GPC5: variants seen among roughly 807,000 people sequenced by gnomAD.
The protein encoded by GPC5 is glypican-5.
In GPC5, 47 loss-of-function variants were observed where a neutral mutation model predicts 53.9. That is an observed-to-expected ratio of 0.87 (90% CI 0.69 to 1.11). GPC5 has a LOEUF of 1.11. GPC5 is among the 50% of genes most tolerant of loss of function. The pLI is 0.00. For missense variants in GPC5, 748 were observed against 713.1 expected, an observed-to-expected ratio of 1.05 and a Z score of -0.56; for synonymous variants, 286 against 263.3, an observed-to-expected ratio of 1.09 and a Z score of -0.84.
At chr13:91,947,181 A>C (rs78640307) in intron 6 of GPC5, among the ~76,000 whole-genome samples, 3,224 of 152,292 alleles carry the variant, frequency 0.021, 101 homozygotes, top group African/African-American at 0.073. Context: ...ATATTTTACT[A>C]TACAATGTTA....
At chr13:91,567,007 A>C (rs1455798816) in intron 2 of GPC5, among the ~76,000 whole-genome samples, 4 of 151,462 alleles carry the variant, frequency 2.6e-5, no homozygotes, top group African/African-American at 7.3e-5. Context: ...AGGCAAATGC[A>C]TTAGAGTACA....
chr13:92,521,717 G>T (rs1881056459), intron 7 of GPC5, among the ~76,000 whole-genome samples: 1 of 152,130 alleles, frequency 6.6e-6, no homozygotes, highest in African/African-American at 2.4e-5. Flanking sequence ...ATAGGCATGG[G>T]CAAGGACTTC....
intron 7 of GPC5, among the ~76,000 whole-genome samples, chr13:92,291,443 G>C (rs1002135253): frequency 1.3e-5 from 2 of 152,148 alleles, no homozygotes; most frequent in African/African-American, 4.8e-5. Context: ...GTTTGTGAAT[G>C]CACCAATCGA....
intron 2 of GPC5, among the ~76,000 whole-genome samples, chr13:91,459,900 A>G (rs1158191136): frequency 6.6e-6 from 1 of 152,190 alleles, no homozygotes; most frequent in South Asian, 2.1e-4. Context: ...AATATTTAGC[A>G]TAATTTAAGA....
chr13:92,174,415 T>A (rs956734613), intron 7 of GPC5, among the ~76,000 whole-genome samples: 2 of 151,090 alleles, frequency 1.3e-5, no homozygotes, highest in African/African-American at 4.9e-5. Flanking sequence ...GGCATCTGTA[T>A]TCCCAGCTAC....
chr13:92,404,348 A>G (rs1426571449), intron 7 of GPC5, among the ~76,000 whole-genome samples: 3 of 152,192 alleles, frequency 2.0e-5, no homozygotes, highest in Non-Finnish European at 4.4e-5. Flanking sequence ...AACTAGAAAC[A>G]GTGCCAAGCA....
intron 7 of GPC5, among the ~76,000 whole-genome samples, chr13:92,468,757 A>C (rs1878798822): frequency 6.6e-6 from 1 of 152,120 alleles, no homozygotes; most frequent in African/African-American, 2.4e-5. Context: ...GAGCACTTTC[A>C]CTTTTTTTGC....
intron 2 of GPC5, among the ~76,000 whole-genome samples, chr13:91,490,033 G>T (rs1883852237): frequency 6.6e-6 from 1 of 152,148 alleles, no homozygotes; most frequent in Admixed American, 6.6e-5. Context: ...CACTTGTTCT[G>T]TATATTTAGT....
chr13:92,535,675 A>G (rs1166944468), intron 7 of GPC5, among the ~76,000 whole-genome samples: 1 of 151,886 alleles, frequency 6.6e-6, no homozygotes, highest in East Asian at 1.9e-4. Flanking sequence ...TATTAAAAAA[A>G]AAAACAACCA....
chr13:92,641,488 A>G (rs940406078), intron 7 of GPC5, among the ~76,000 whole-genome samples: 4 of 152,234 alleles, frequency 2.6e-5, no homozygotes, highest in African/African-American at 7.2e-5. Flanking sequence ...GATTCTAGAC[A>G]TGGAATATGA....
chr13:92,839,336 CAGGTTTGTTACAT>C (rs1290697574), intron 7 of GPC5, among the ~76,000 whole-genome samples: 1 of 152,104 alleles, frequency 6.6e-6, no homozygotes, highest in Non-Finnish European at 1.5e-5. Context: ...AGCAAATGTA[CAGGTTTGTTACAT>C]AGGTAAACTT....
intron 7 of GPC5, among the ~76,000 whole-genome samples, chr13:92,441,550 C>A (rs1454102096): frequency 6.6e-6 from 1 of 152,098 alleles, no homozygotes; most frequent in East Asian, 1.9e-4. Context: ...AACATTGAAC[C>A]TGAGGGCCAA....
At chr13:91,829,252 C>G (rs1478092623) in intron 5 of GPC5, among the ~76,000 whole-genome samples, 2 of 151,884 alleles carry the variant, frequency 1.3e-5, no homozygotes, top group African/African-American at 4.8e-5. Flanking sequence ...AAAGAAATGG[C>G]CTTTCCTCTT....
intron 7 of GPC5, among the ~76,000 whole-genome samples, chr13:92,173,277 C>T (rs535286957): frequency 3.3e-5 from 5 of 152,142 alleles, no homozygotes; most frequent in East Asian, 1.9e-4. Context: ...TCCTGGCCAC[C>T]TTTCATTTAG....
At chr13:91,692,561 A>T (rs1182695356) in intron 2 of GPC5, among the ~76,000 whole-genome samples, 1 of 152,200 alleles carries the variant, frequency 6.6e-6, no homozygotes, top group South Asian at 2.1e-4. Flanking sequence ...TTTCTCAATG[A>T]CACTTTTTTC....
rs560417597 is a variant in GPC5, at chr13:92,152,491, GT to G, written c.1561+7508del. On this transcript the variant is annotated intron_variant, in intron 7 of 7. Transcript: ENST00000377067. ...TATTGGATAAAATATGTAAAAGGTA[GT>G]TTTTTAAAAATGCTTCTATAAATTA... 1.4e-4 allele frequency among the ~76,000 whole-genome samples: 22 copies of G among 152,260 alleles called. 1 individual carries two copies. The South Asian group carries it at 4.6e-3, about 32-fold the overall frequency.
Position 92,708,605 on chromosome 13 carries a change from T to A in GPC5, c.1562-157677T>A, listed in dbSNP as rs117538813. Among the ~76,000 whole-genome samples the A allele has an allele frequency of 6.9e-3, 1,047 of 152,144 alleles. 3 individuals are homozygous for A. Among genetic ancestry groups the A allele is most frequent in the Non-Finnish European group, 0.012 (790 of 68,002 alleles). On this transcript the variant is annotated intron_variant, in intron 7 of 7. Transcript: ENST00000377067. ...TCTAATTTATCAGTAATGCTAAATG[T>A]GTTATAAAGAAAAGTCAGAGAGTGA... is the stretch of plus-strand genomic sequence containing the variant.
intron 2 of GPC5, among the ~76,000 whole-genome samples, chr13:91,549,619 C>G (rs1386786531): frequency 6.6e-6 from 1 of 152,076 alleles, no homozygotes; most frequent in African/African-American, 2.4e-5. Flanking sequence ...GAGACTTCAA[C>G]AAAGAAGGCA....
At chr13:91,502,819 T>C (rs987102446) in intron 2 of GPC5, among the ~76,000 whole-genome samples, 2 of 152,220 alleles carry the variant, frequency 1.3e-5, no homozygotes, top group Admixed American at 1.3e-4. Flanking sequence ...TGTTTTCATT[T>C]TATGAGCAAG....
Sources: gnomAD v4.1 joint callset for allele counts (sites outside exome capture counted in the v4.1 genomes callset) on GRCh38, gnomAD v4.1.1 for gene constraint, MANE v1.5 for transcripts, NCBI Gene and HGNC (gene_info 2026-07-23, HGNC 2026-07-21) for gene names.